KHDRBS2: variants seen among roughly 807,000 people sequenced by gnomAD.
The protein encoded by KHDRBS2 is KH RNA binding domain containing, signal transduction associated 2.
In KHDRBS2, 26 loss-of-function variants were observed where a neutral mutation model predicts 44.3. That is an observed-to-expected ratio of 0.59 (90% CI 0.43 to 0.81). KHDRBS2 has a LOEUF of 0.81. KHDRBS2 is among the 40% of genes least tolerant of loss of function. KHDRBS2 has a pLI of 0.00. For synonymous variants in KHDRBS2, 194 were observed against 151.1 expected (o/e 1.28, Z -2.08); for missense variants, 476 against 433.1 (o/e 1.10, Z -0.88).
Position 62,127,292 on chromosome 6 carries a change from G to A in KHDRBS2, c.219+49893C>T, listed in dbSNP as rs571708130. ...TGTTACCAATGTTGCTTCAATTTACGTATCAAGCCCTATTAGGAGTATGGG... is the reference window on the plus strand; with the variant it reads ...TGTTACCAATGTTGCTTCAATTTACATATCAAGCCCTATTAGGAGTATGGG... On this transcript the variant is annotated intron_variant, in intron 2 of 8. Transcript: ENST00000281156. Among the ~76,000 whole-genome samples the A allele has an allele frequency of 3.3e-5, 5 of 152,120 alleles. No individual in the cohort carries two copies. The East Asian group carries it at 5.8e-4, about 18-fold the overall frequency.
At chr6:61,855,197 A>C (rs1173684173) in intron 6 of KHDRBS2, among the ~76,000 whole-genome samples, 1 of 152,084 alleles carries the variant, frequency 6.6e-6, no homozygotes, top group Non-Finnish European at 1.5e-5. Context: ...TTTGTAAATA[A>C]AGATTAATTC....
intron 4 of KHDRBS2, among the ~76,000 whole-genome samples, chr6:61,953,502 T>TA (rs1765211511): frequency 6.6e-6 from 1 of 151,926 alleles, no homozygotes; most frequent in Admixed American, 6.6e-5. Context: ...AATCGCTATA[T>TA]TTTTTTAAAT....
intron 4 of KHDRBS2, among the ~76,000 whole-genome samples, chr6:61,976,724 A>C (rs752842239): frequency 6.6e-6 from 1 of 152,198 alleles, no homozygotes; most frequent in Non-Finnish European, 1.5e-5. Context: ...ACTTGAAGTC[A>C]TGTAGTATGT....
intron 1 of KHDRBS2, among the ~76,000 whole-genome samples, chr6:62,178,034 GTC>G (rs1180981844): frequency 2.0e-5 from 3 of 151,348 alleles, no homozygotes; most frequent in African/African-American, 7.3e-5. Flanking sequence ...ACAATAAAAT[GTC>G]TCTGTTTTTA....
intron 2 of KHDRBS2, among the ~76,000 whole-genome samples, chr6:62,067,631 T>C (rs1431986659): frequency 5.3e-5 from 8 of 151,554 alleles, no homozygotes; most frequent in African/African-American, 1.5e-4. Flanking sequence ...TACAATTCAA[T>C]TTTTTACGTA....
chr6:61,618,223 G>C, the KHDRBS2 span, among the ~76,000 whole-genome samples: 51 of 152,186 alleles, frequency 3.4e-4, no homozygotes, highest in African/African-American at 1.2e-3. Flanking sequence ...GTCCAATTCT[G>C]TACCAAGCAC....
chr6:62,125,622 G>A (rs1420692181), intron 2 of KHDRBS2, among the ~76,000 whole-genome samples: 3 of 152,056 alleles, frequency 2.0e-5, no homozygotes, highest in Non-Finnish European at 4.4e-5. Flanking sequence ...GAGTAAAGAG[G>A]ACTTTGTCTT....
intron 2 of KHDRBS2, among the ~76,000 whole-genome samples, chr6:62,174,979 TA>T (rs70996207): frequency 0.011 from 1,695 of 151,826 alleles, 15 homozygotes; most frequent in Non-Finnish European, 0.017. Flanking sequence ...ATCTCACTGA[TA>T]TTTTTCTAAG....
chr6:61,746,476 A>G (rs1562082485), intron 6 of KHDRBS2, among the ~76,000 whole-genome samples: 1 of 151,776 alleles, frequency 6.6e-6, no homozygotes, highest in African/African-American at 2.4e-5. Context: ...GTCCCTGCAA[A>G]GACATGAACT....
At chr6:62,122,286 T>G (rs2150083454) in intron 2 of KHDRBS2, among the ~76,000 whole-genome samples, 1 of 152,262 alleles carries the variant, frequency 6.6e-6, no homozygotes, top group Admixed American at 6.5e-5. Context: ...TGCCATCTTC[T>G]GCAGATAACC....
the KHDRBS2 span, among the ~76,000 whole-genome samples, chr6:61,588,049 T>C: frequency 9.2e-5 from 14 of 152,192 alleles, no homozygotes; most frequent in Non-Finnish European, 1.9e-4. Context: ...CCAGACACCG[T>C]GGCAAGCAAG....
the KHDRBS2 span, among the ~76,000 whole-genome samples, chr6:61,625,313 G>A: frequency 6.7e-6 from 1 of 150,244 alleles, no homozygotes. Context: ...TTCTCTCAGG[G>A]AGAGTGGCCC....
At chr6:61,587,742 C>T in the KHDRBS2 span, among the ~76,000 whole-genome samples, 6 of 152,124 alleles carry the variant, frequency 3.9e-5, no homozygotes, top group Non-Finnish European at 8.8e-5. Context: ...TCGTTGGTTA[C>T]AGAACATATC....
chr6:62,279,672 G>T (rs899102412), intron 1 of KHDRBS2, among the ~76,000 whole-genome samples: 1 of 152,154 alleles, frequency 6.6e-6, no homozygotes, highest in Admixed American at 6.5e-5. Flanking sequence ...AGGCTTACTA[G>T]AAGAAGGAAT....
At chr6:61,701,178 AG>A (rs1237685858) in intron 7 of KHDRBS2, among the ~76,000 whole-genome samples, 2 of 151,952 alleles carry the variant, frequency 1.3e-5, no homozygotes, top group Admixed American at 6.6e-5. Context: ...TGTTGAACAA[AG>A]CCCAACTATT....
chr6:61,765,508 CT>C (rs899702096), intron 6 of KHDRBS2, among the ~76,000 whole-genome samples: 23 of 151,720 alleles, frequency 1.5e-4, no homozygotes, highest in African/African-American at 4.8e-4. Flanking sequence ...ATCCTACATT[CT>C]TTTTTTATTT....
chr6:61,856,685 C>A (rs1469192220), intron 6 of KHDRBS2, among the ~76,000 whole-genome samples: 1 of 151,784 alleles, frequency 6.6e-6, no homozygotes, highest in Non-Finnish European at 1.5e-5. Context: ...TTCCAGGTTA[C>A]TGAGTTGGTA....
At chr6:61,610,331 T>C in the KHDRBS2 span, among the ~76,000 whole-genome samples, 3 of 152,228 alleles carry the variant, frequency 2.0e-5, no homozygotes, top group African/African-American at 7.2e-5. Flanking sequence ...TTGCTTCATA[T>C]ATTTAAAACT....
At chr6:61,665,581 T>C in the KHDRBS2 span, among the ~76,000 whole-genome samples, 1 of 151,374 alleles carries the variant, frequency 6.6e-6, no homozygotes. Flanking sequence ...TTGGTAAGTA[T>C]ATGATATAGA....
Sources: allele counts gnomAD v4.1 joint callset (sites outside exome capture counted in the v4.1 genomes callset), GRCh38; gene constraint gnomAD v4.1.1; transcripts MANE v1.5; gene names NCBI Gene and HGNC (gene_info 2026-07-23, HGNC 2026-07-21).